CSMD1: variants seen among roughly 807,000 people sequenced by gnomAD.
CSMD1 encodes the protein CUB and sushi domain-containing protein 1.
In CSMD1, 213 loss-of-function variants were observed where a neutral mutation model predicts 417.5. The ratio of observed to expected loss-of-function variants is 0.51; its 90% CI spans 0.46 to 0.57. The LOEUF (loss-of-function observed/expected upper bound fraction) is 0.57. Among genes scored for constraint, CSMD1 ranks in the 20% least tolerant of loss-of-function variants. CSMD1 has a pLI of 0.00. For synonymous variants in CSMD1, 2,862 were observed against 1,736.8 expected (o/e 1.65, Z -16.11); for missense variants, 6,923 against 4,529.7 (o/e 1.53, Z -15.17).
At chr8:3,214,464 G>T in intron 30 of CSMD1, 33 bp downstream of exon 30, 1 of 1,484,594 alleles carries the variant, frequency 6.7e-7, no homozygotes, top group Non-Finnish European at 9.0e-7. Context: ...AAGGAAAGTT[G>T]TATTTCTAGA....
At chr8:4,014,410 A>C (rs2554604) in intron 4 of CSMD1, among the ~76,000 whole-genome samples, 67,220 of 152,060 alleles carry the variant, frequency 0.44, 15,860 homozygotes, top group South Asian at 0.57. Context: ...ATTTAACACT[A>C]ATCTTCTCCA....
At chr8:4,502,971 A>T (rs986708843) in intron 2 of CSMD1, among the ~76,000 whole-genome samples, 3 of 152,230 alleles carry the variant, frequency 2.0e-5, no homozygotes, top group African/African-American at 7.2e-5. Flanking sequence ...GAGATTAAAC[A>T]GCCTGAAAAT....
intron 53 of CSMD1, among the ~76,000 whole-genome samples, chr8:2,999,143 CT>C (rs921450629): frequency 6.6e-5 from 9 of 135,870 alleles, no homozygotes; most frequent in Non-Finnish European, 9.2e-5. Context: ...TTACCTCTTT[CT>C]TTTTTTTCCC....
chr8:4,874,488 C>G (rs1184303049), intron 1 of CSMD1, among the ~76,000 whole-genome samples: 2 of 148,962 alleles, frequency 1.3e-5, no homozygotes, highest in African/African-American at 5.0e-5. Flanking sequence ...CTCCCAGGTT[C>G]AAGCAGTTCT....
rs1801301752 is a variant in CSMD1 at position 3,708,409 on chromosome 8, C to G, written c.1009+5G>C. On this transcript the variant is annotated splice_donor_5th_base_variant and intron_variant, in intron 7 of 69. Transcript: ENST00000635120. ...AATCCTCAGATAGAAAGGAAAGGGA[C>G]TCACAGACAGAGTTTTTATGGCTTC... 1 of 1,613,052 alleles carries G rather than the reference C, an allele frequency of 6.2e-7. No homozygotes were observed. The highest frequency in any genetic ancestry group is 8.5e-7 in the Non-Finnish European group (1 of 1,179,154).
intron 12 of CSMD1, among the ~76,000 whole-genome samples, chr8:3,440,197 C>T (rs7836122): frequency 0.63 from 95,597 of 151,916 alleles, 30,207 homozygotes; most frequent in East Asian, 0.76. Flanking sequence ...AACATATTTG[C>T]TGAGATTCTT....
chr8:4,471,540 A>G (rs1436139984), intron 2 of CSMD1, among the ~76,000 whole-genome samples: 2 of 152,152 alleles, frequency 1.3e-5, no homozygotes, highest in African/African-American at 2.4e-5. Flanking sequence ...CTTAAGAATT[A>G]GAACCAGTGC....
chr8:3,970,761 T>A (rs935140288), intron 5 of CSMD1, among the ~76,000 whole-genome samples: 8 of 152,046 alleles, frequency 5.3e-5, no homozygotes, highest in African/African-American at 1.9e-4. Context: ...TGTTTTTTTG[T>A]TTTTGTTTTT....
chr8:4,432,072 G>A (rs1009932071), intron 2 of CSMD1, among the ~76,000 whole-genome samples: 3 of 151,914 alleles, frequency 2.0e-5, no homozygotes, highest in Non-Finnish European at 2.9e-5. Context: ...AAAACAGACA[G>A]GATTAGAATA....
At chr8:2,955,012 G>A (rs142212776) in intron 64 of CSMD1, among the ~76,000 whole-genome samples, 7 of 152,262 alleles carry the variant, frequency 4.6e-5, no homozygotes, top group African/African-American at 1.2e-4. Flanking sequence ...TGTAGCTATC[G>A]TCAAATCTGA....
chr8:4,052,493 G>A (rs906387173), intron 3 of CSMD1, among the ~76,000 whole-genome samples: 4 of 152,158 alleles, frequency 2.6e-5, no homozygotes, highest in Admixed American at 1.3e-4. Flanking sequence ...GGGTCAGAGT[G>A]CAGTGGGAGA....
intron 3 of CSMD1, among the ~76,000 whole-genome samples, chr8:4,255,716 T>C (rs1298911245): frequency 6.6e-6 from 1 of 152,234 alleles, no homozygotes; most frequent in African/African-American, 2.4e-5. Flanking sequence ...CACTGTGAGT[T>C]ATTTCTACAA....
chr8:3,884,836 A>G (rs1306562449), intron 5 of CSMD1, among the ~76,000 whole-genome samples: 4 of 151,634 alleles, frequency 2.6e-5, no homozygotes, highest in African/African-American at 9.7e-5. Context: ...CTTCGTCGTC[A>G]GTCTGTGTAT....
At chr8:3,166,204 T>C (rs887380490) in intron 37 of CSMD1, among the ~76,000 whole-genome samples, 9 of 152,242 alleles carry the variant, frequency 5.9e-5, no homozygotes, top group African/African-American at 2.2e-4. Flanking sequence ...AAAAGAATTT[T>C]AAAAAGAATT....
intron 3 of CSMD1, among the ~76,000 whole-genome samples, chr8:4,273,944 G>C (rs995787451): frequency 2.0e-5 from 3 of 152,144 alleles, no homozygotes; most frequent in Non-Finnish European, 4.4e-5. Flanking sequence ...GGAGGCTGTT[G>C]AAGTGTCCTG....
chr8:3,327,896 C>T (rs1175574103), intron 23 of CSMD1, among the ~76,000 whole-genome samples: 2 of 152,144 alleles, frequency 1.3e-5, no homozygotes, highest in African/African-American at 4.8e-5. Flanking sequence ...TTCACTGTGA[C>T]CCGGATCCTT....
In CSMD1 at chr8:4,450,191, C is replaced by T. The variant is rs139269088; in HGVS notation, c.303-30126G>A. 3.3e-3 allele frequency among the ~76,000 whole-genome samples: 506 copies of T among 152,296 alleles called. 7 individuals are homozygous for T. Among genetic ancestry groups the T allele is most frequent in the African/African-American group, 0.012 (481 of 41,560 alleles). On this transcript the variant is annotated intron_variant, in intron 2 of 69. Coordinates refer to ENST00000635120, the MANE Select transcript of CSMD1 (RefSeq NM_033225.6). ...CGTAGAGTAAAACCGAACTGGGCAA[C>T]AATTGAAGTTACAGAGTACCTATAT...
Position 3,757,181 on chromosome 8 carries a change from T to A in CSMD1, c.819-3139A>T, listed in dbSNP as rs527687992. On this transcript the variant is annotated intron_variant, in intron 5 of 69. Coordinates refer to ENST00000635120, the MANE Select transcript of CSMD1 (RefSeq NM_033225.6). ...CTCTCTACCACCACCTACACCCACA[T>A]CCACTCTTTACCCTCATCTGTATTT... Among the ~76,000 whole-genome samples, 13 of 152,260 alleles carry A rather than the reference T, an allele frequency of 8.5e-5. No homozygotes were observed. The South Asian group carries it at 2.7e-3, about 32-fold the overall frequency.
chr8:3,912,509 A>G (rs1428683660), intron 5 of CSMD1, among the ~76,000 whole-genome samples: 2 of 152,140 alleles, frequency 1.3e-5, no homozygotes, highest in Non-Finnish European at 1.5e-5. Context: ...TATTGCATAC[A>G]ATGGAAATAC....
Sources: gnomAD v4.1 joint callset for allele counts (sites outside exome capture counted in the v4.1 genomes callset) on GRCh38, gnomAD v4.1.1 for gene constraint, MANE v1.5 for transcripts, NCBI Gene and HGNC (gene_info 2026-07-23, HGNC 2026-07-21) for gene names.